The following BCAS4 variants were observed in gnomAD, a reference collection of about 807,000 sequenced individuals.
BCAS4 encodes the protein breast carcinoma amplified sequence 4.
A neutral mutation model predicts 15.7 loss-of-function variants in BCAS4; 9 were observed. The ratio of observed to expected loss-of-function variants is 0.57; its 90% CI spans 0.34 to 1.00. BCAS4 has a LOEUF of 1.00. BCAS4 is among the 50% of genes least tolerant of loss of function. The pLI, the probability that BCAS4 is intolerant of heterozygous loss-of-function variation, is 0.02. For missense variants in BCAS4, 225 were observed against 239.1 expected, an observed-to-expected ratio of 0.94 and a Z score of 0.39; for synonymous variants, 101 against 99.5, an observed-to-expected ratio of 1.02 and a Z score of -0.09.
At chr20:50,817,285 T>C (rs143286477) in intron 1 of BCAS4, among the ~76,000 whole-genome samples, 1,581 of 152,158 alleles carry the variant, frequency 0.01, 35 homozygotes, top group African/African-American at 0.037. Flanking sequence ...CTTGTCAGAG[T>C]CCCTTTCCCA....
At chr20:50,809,247 T>C (rs1459115034) in intron 1 of BCAS4, among the ~76,000 whole-genome samples, 2 of 152,312 alleles carry the variant, frequency 1.3e-5, no homozygotes, top group East Asian at 1.9e-4. Context: ...TTCACTCTTG[T>C]TGCTCAGGCT....
chr20:50,869,049 A>G (rs1473091191), intron 4 of BCAS4, among the ~76,000 whole-genome samples: 2 of 152,244 alleles, frequency 1.3e-5, no homozygotes, highest in Non-Finnish European at 2.9e-5. Context: ...CCTCACTGCC[A>G]TGCTCCAGGC....
chr20:50,881,241 TAAAA>T (rs1980111220), downstream of BCAS4: 1 of 151,832 alleles, frequency 6.6e-6, no homozygotes, highest in South Asian at 2.1e-4. Flanking sequence ...GAAAGTAAAA[TAAAA>T]CGAATCTATT....
intron 4 of BCAS4, among the ~76,000 whole-genome samples, chr20:50,870,181 A>C (rs1979562465): frequency 6.6e-6 from 1 of 152,178 alleles, no homozygotes; most frequent in Non-Finnish European, 1.5e-5. Context: ...CAAAGCCTAA[A>C]ATATTTACTA....
chr20:50,850,677 CT>C (rs1461882529), intron 4 of BCAS4, among the ~76,000 whole-genome samples: 2 of 152,174 alleles, frequency 1.3e-5, no homozygotes, highest in African/African-American at 4.8e-5. Context: ...GCCCTTGTGG[CT>C]TCTCATGAAG....
At chr20:50,818,308 G>GTT (rs2088166782) in intron 2 of BCAS4, 26 bp downstream of exon 2, 1 of 1,605,394 alleles carries the variant, frequency 6.2e-7, no homozygotes, top group South Asian at 1.1e-5. Flanking sequence ...GAAGGCGTGG[G>GTT]TTTAGGCCCA....
intron 2 of BCAS4, among the ~76,000 whole-genome samples, chr20:50,820,623 G>A (rs1026452966): frequency 6.6e-5 from 10 of 152,166 alleles, no homozygotes; most frequent in South Asian, 2.1e-4. Flanking sequence ...GGCATTCTGC[G>A]CAAGGAGACC....
chr20:50,855,777 C>T (rs1274489564), intron 4 of BCAS4, among the ~76,000 whole-genome samples: 5 of 152,228 alleles, frequency 3.3e-5, no homozygotes, highest in Admixed American at 2.6e-4. Flanking sequence ...GAGAGCAACA[C>T]TTGGTACGTG....
chr20:50,863,748 C>G (rs1317443780), intron 4 of BCAS4, among the ~76,000 whole-genome samples: 1 of 152,190 alleles, frequency 6.6e-6, no homozygotes, highest in African/African-American at 2.4e-5. Context: ...GGAGGTTGGA[C>G]ACTGACTGCA....
At chr20:50,845,374 T>C (rs944572470) in intron 4 of BCAS4, among the ~76,000 whole-genome samples, 2 of 152,080 alleles carry the variant, frequency 1.3e-5, no homozygotes, top group East Asian at 3.9e-4. Flanking sequence ...TTTTGTGCCA[T>C]CTGTAGTCAG....
chr20:50,853,014 G>T (rs1050809479), intron 4 of BCAS4, among the ~76,000 whole-genome samples: 10 of 152,088 alleles, frequency 6.6e-5, no homozygotes, highest in African/African-American at 2.4e-4. Flanking sequence ...GGAGGCAGTT[G>T]GTGGGATCCC....
At chr20:50,833,385 C>T (rs1384511485) in intron 3 of BCAS4, among the ~76,000 whole-genome samples, 2 of 152,216 alleles carry the variant, frequency 1.3e-5, no homozygotes, top group Non-Finnish European at 2.9e-5. Flanking sequence ...GCACACACCC[C>T]AGAGCCAGGC....
intron 1 of BCAS4, among the ~76,000 whole-genome samples, chr20:50,816,182 C>T (rs1434328650): frequency 2.0e-5 from 3 of 151,924 alleles, no homozygotes; most frequent in Admixed American, 1.3e-4. Flanking sequence ...CGTGCCACCA[C>T]GTCTGGTTAA....
intron 4 of BCAS4, among the ~76,000 whole-genome samples, chr20:50,866,308 C>T (rs1979355275): frequency 6.6e-6 from 1 of 152,190 alleles, no homozygotes; most frequent in South Asian, 2.1e-4. Context: ...TCCTCTTCAG[C>T]CTTACGGAGC....
At chr20:50,857,149 G>A (rs8122581) in intron 4 of BCAS4, among the ~76,000 whole-genome samples, 5,283 of 151,932 alleles carry the variant, frequency 0.035, 135 homozygotes, top group African/African-American at 0.071. Flanking sequence ...CCTTTTTTTT[G>A]AGACAGAGTT....
intron 4 of BCAS4, among the ~76,000 whole-genome samples, chr20:50,862,452 T>C (rs747659362): frequency 2.2e-4 from 33 of 151,734 alleles, no homozygotes; most frequent in Non-Finnish European, 4.0e-4. Flanking sequence ...GAAGAAAATG[T>C]CTTCATCAGG....
chr20:50,844,587 C>T (rs542194926), intron 4 of BCAS4, among the ~76,000 whole-genome samples: 32 of 152,336 alleles, frequency 2.1e-4, no homozygotes, highest in African/African-American at 7.5e-4. Flanking sequence ...TCTGCACAGT[C>T]ATCCCGATGA....
At chr20:50,813,203 C>A (rs1354549701) in intron 1 of BCAS4, among the ~76,000 whole-genome samples, 2 of 152,200 alleles carry the variant, frequency 1.3e-5, no homozygotes, top group African/African-American at 2.4e-5. Flanking sequence ...GTTTTCAGAG[C>A]AGCTGCACAA....
chr20:50,834,960 C>A (rs551994710), intron 3 of BCAS4, among the ~76,000 whole-genome samples: 9 of 152,284 alleles, frequency 5.9e-5, no homozygotes, highest in Admixed American at 5.2e-4. Flanking sequence ...CATTAGCTGG[C>A]GCACAGTTGG....
Sources: gnomAD v4.1 joint callset for allele counts (sites outside exome capture counted in the v4.1 genomes callset) on GRCh38, gnomAD v4.1.1 for gene constraint, MANE v1.5 for transcripts, NCBI Gene and HGNC (gene_info 2026-07-23, HGNC 2026-07-21) for gene names.